Variants in DZIP3 observed in about 807,000 individuals in gnomAD.
DZIP3 encodes the protein E3 ubiquitin-protein ligase DZIP3.
A neutral mutation model predicts 162.0 loss-of-function variants in DZIP3; 118 were observed. The observed-to-expected ratio is 0.73, with a 90% CI of 0.63 to 0.85. The LOEUF (loss-of-function observed/expected upper bound fraction) is 0.85, where lower values mean the gene tolerates loss of function less well. Ranked by LOEUF, DZIP3 falls within the 40% of genes least tolerant of loss-of-function variation. DZIP3 has a pLI of 0.00. For synonymous variants in DZIP3, 438 were observed against 458.6 expected, an observed-to-expected ratio of 0.96 and a Z score of 0.57; for missense variants, 1,331 against 1,407.0, an observed-to-expected ratio of 0.95 and a Z score of 0.86.
intron 2 of DZIP3, among the ~76,000 whole-genome samples, chr3:108,606,455 A>G (rs1444467885): frequency 1.3e-5 from 2 of 152,228 alleles, no homozygotes; most frequent in Non-Finnish European, 2.9e-5. Context: ...GAGATAGCTT[A>G]TTATATAGTG....
intron 12 of DZIP3, among the ~76,000 whole-genome samples, chr3:108,640,408 T>C: frequency 6.6e-6 from 1 of 151,802 alleles, no homozygotes; most frequent in Admixed American, 6.6e-5. Context: ...TTTTTTTTTT[T>C]TTTTTGACAA....
chr3:108,594,440 C>T (rs1029094853), intron 1 of DZIP3, among the ~76,000 whole-genome samples: 2 of 131,396 alleles, frequency 1.5e-5, no homozygotes, highest in East Asian at 2.7e-4. Flanking sequence ...CTGCTCCCCC[C>T]CCATATATAT....
chr3:108,681,929 G>A (rs1184634803), intron 26 of DZIP3, among the ~76,000 whole-genome samples: 3 of 149,268 alleles, frequency 2.0e-5, no homozygotes, highest in Admixed American at 1.3e-4. Context: ...GGGGCCTGTC[G>A]GGGGGTGGGG....
intron 26 of DZIP3, among the ~76,000 whole-genome samples, chr3:108,682,316 C>G (rs1944349765): frequency 1.3e-5 from 2 of 150,946 alleles, no homozygotes; most frequent in South Asian, 4.1e-4. Context: ...GAAGAGACAC[C>G]TGCACTCCTA....
At chr3:108,681,936 G>A (rs1203732615) in intron 26 of DZIP3, among the ~76,000 whole-genome samples, 3 of 148,826 alleles carry the variant, frequency 2.0e-5, no homozygotes, top group Admixed American at 6.6e-5. Context: ...GTCGGGGGGT[G>A]GGGGCTGGGG....
intron 1 of DZIP3, among the ~76,000 whole-genome samples, chr3:108,604,518 A>G (rs1477653868): frequency 6.6e-6 from 1 of 152,206 alleles, no homozygotes; most frequent in Non-Finnish European, 1.5e-5. Context: ...TAGCTATGTA[A>G]ATAAATATAT....
At chr3:108,607,985 G>A (rs1940474250) in intron 2 of DZIP3, 104 bp from the exon 3 acceptor site, 1 of 994,110 alleles carries the variant, frequency 1.0e-6, no homozygotes, top group Admixed American at 2.0e-5. Flanking sequence ...ATACATTTTG[G>A]TTACACTTTC....
At chr3:108,591,472 C>G (rs1262377883) in intron 1 of DZIP3, among the ~76,000 whole-genome samples, 1 of 152,248 alleles carries the variant, frequency 6.6e-6, no homozygotes, top group Non-Finnish European at 1.5e-5. Context: ...TGCGTGCTAT[C>G]AGTGCCATCT....
rs151215608 is a variant in DZIP3 at position 108,621,077 on chromosome 3, T to C, written c.376-3367T>C. Among the ~76,000 whole-genome samples the C allele has an allele frequency of 5.7e-3, 869 of 152,310 alleles. 7 individuals carry two copies. The highest frequency in any genetic ancestry group is 8.7e-3 in the Non-Finnish European group (594 of 68,018). Reference sequence around the variant, plus strand: ...ACCTTGTAATCTGCCTGCCTCGGCCTCCCAAAGTGTTGGGATTACAGGCAT... The same window carrying C: ...ACCTTGTAATCTGCCTGCCTCGGCCCCCCAAAGTGTTGGGATTACAGGCAT... On this transcript the variant is annotated intron_variant, in intron 5 of 32. Transcript: ENST00000361582.
At chr3:108,677,363 G>GT in intron 25 of DZIP3, 134 bp from the exon 26 acceptor site, 1 of 571,132 alleles carries the variant, frequency 1.8e-6, no homozygotes, top group Non-Finnish European at 3.0e-6. Flanking sequence ...GTCAGAACCT[G>GT]TTTTTATATT....
At chr3:108,602,758 T>C (rs965709247) in intron 1 of DZIP3, 2 of 152,232 alleles carry the variant, frequency 1.3e-5, no homozygotes, top group African/African-American at 4.8e-5. Flanking sequence ...TGCTAGGCAC[T>C]TCGCCTTTCT....
chr3:108,684,017 T>G (rs1056107103), intron 26 of DZIP3, among the ~76,000 whole-genome samples, 199 bp from the exon 27 acceptor site: 6 of 151,832 alleles, frequency 4.0e-5, no homozygotes, highest in East Asian at 3.9e-4. Flanking sequence ...GTTTTCAATA[T>G]ATCTCATTGC....
chr3:108,607,956 C>T (rs548392039), intron 2 of DZIP3, 133 bp from the exon 3 acceptor site: 36 of 733,074 alleles, frequency 4.9e-5, no homozygotes, highest in South Asian at 3.2e-4. Flanking sequence ...ATGGCACCTA[C>T]CACCATTACC....
chr3:108,604,842 CT>C, intron 1 of DZIP3, among the ~76,000 whole-genome samples: 1 of 152,214 alleles, frequency 6.6e-6, no homozygotes, highest in Non-Finnish European at 1.5e-5. Flanking sequence ...ATATTTGTGT[CT>C]TTTGATCTAT....
At chr3:108,673,328 A>G (rs1408835585) in intron 23 of DZIP3, among the ~76,000 whole-genome samples, 1 of 151,960 alleles carries the variant, frequency 6.6e-6, no homozygotes, top group Admixed American at 6.6e-5. Context: ...ATCTGAACCA[A>G]AAATTCGTGA....
chr3:108,612,407 G>T (rs1360103358), intron 4 of DZIP3, among the ~76,000 whole-genome samples: 1 of 152,086 alleles, frequency 6.6e-6, no homozygotes, highest in Non-Finnish European at 1.5e-5. Context: ...GCTAGAAATT[G>T]ATAGAATAAT....
At chr3:108,656,361 A>G (rs1185984538) in intron 19 of DZIP3, among the ~76,000 whole-genome samples, 1 of 152,102 alleles carries the variant, frequency 6.6e-6, no homozygotes, top group Non-Finnish European at 1.5e-5. Context: ...TGCAGCCTCC[A>G]CTGCTGATAC....
Position 108,629,050 on chromosome 3 carries a change from A to T in DZIP3, c.582-12A>T. The stretch of plus-strand genomic sequence containing the variant: ...CCCGTTCAAACTAACCTTATTTTAA[A>T]ATGCCTTTCAGATATAATGGAGGAC... On this transcript the variant is annotated splice_polypyrimidine_tract_variant and intron_variant, in intron 7 of 32. Transcript: ENST00000361582. 6.5e-7 allele frequency: 1 copy of T among 1,533,482 alleles called. No individual in the cohort carries two copies. Among genetic ancestry groups the T allele is most frequent in the Non-Finnish European group, 8.8e-7 (1 of 1,130,480 alleles). The allele number at this position is 1,533,482 out of a possible 1,614,324, so 95.0% of individuals were successfully genotyped here.
chr3:108,647,877 A>G (rs1258544855), intron 15 of DZIP3, 66 bp from the exon 16 acceptor site: 1 of 1,345,332 alleles, frequency 7.4e-7, no homozygotes, highest in African/African-American at 1.5e-5. Context: ...GGCAAACATT[A>G]TAACATTGAT....
Sources: gnomAD v4.1 joint callset for allele counts (sites outside exome capture counted in the v4.1 genomes callset) on GRCh38, gnomAD v4.1.1 for gene constraint, MANE v1.5 for transcripts, NCBI Gene and HGNC (gene_info 2026-07-23, HGNC 2026-07-21) for gene names.